Variants in MICU1 observed in about 807,000 individuals in gnomAD.
The protein encoded by MICU1 is calcium uptake protein 1, mitochondrial.
Under a neutral mutation model 56.8 loss-of-function variants are expected in MICU1, and 45 were observed. The ratio of observed to expected loss-of-function variants is 0.79; its 90% confidence interval spans 0.62 to 1.02. The LOEUF is 1.02. MICU1 is among the 50% of genes least tolerant of loss of function. MICU1 has a pLI of 0.00. For missense variants in MICU1, 504 were observed against 587.1 expected (o/e 0.86, Z 1.46); for synonymous variants, 186 against 195.1 (o/e 0.95, Z 0.39).
At chr10:72,472,058 T>C (rs1426399416) in intron 8 of MICU1, among the ~76,000 whole-genome samples, 1 of 152,084 alleles carries the variant, frequency 6.6e-6, no homozygotes, top group Non-Finnish European at 1.5e-5. Context: ...AGGGTAAAAA[T>C]AGTAATGTTA....
At chr10:72,590,375 T>A (rs1841188302) in intron 1 of MICU1, among the ~76,000 whole-genome samples, 1 of 152,178 alleles carries the variant, frequency 6.6e-6, no homozygotes, top group African/African-American at 2.4e-5. Context: ...TCAACATTTA[T>A]ACACTTAATG....
chr10:72,381,152 C>T (rs768450604), intron 10 of MICU1, among the ~76,000 whole-genome samples: 1 of 152,222 alleles, frequency 6.6e-6, no homozygotes, highest in African/African-American at 2.4e-5. Flanking sequence ...AGCTACCTGC[C>T]TCTTCCTAAT....
intron 9 of MICU1, among the ~76,000 whole-genome samples, chr10:72,420,047 A>G (rs969926642): frequency 6.6e-6 from 1 of 152,072 alleles, no homozygotes; most frequent in Non-Finnish European, 1.5e-5. Context: ...TGCCTGCCAC[A>G]ACGTAAGACG....
chr10:72,588,487 C>T (rs896493774), intron 1 of MICU1, among the ~76,000 whole-genome samples: 1 of 152,154 alleles, frequency 6.6e-6, no homozygotes, highest in African/African-American at 2.4e-5. Flanking sequence ...AAGGCATTTC[C>T]ACTAAGAATA....
intron 6 of MICU1, among the ~76,000 whole-genome samples, chr10:72,492,112 T>G (rs1430355869): frequency 6.6e-6 from 1 of 152,146 alleles, no homozygotes; most frequent in Non-Finnish European, 1.5e-5. Context: ...TGATTTTTCT[T>G]AAAAGGAATG....
chr10:72,374,810 T>C (rs1332299658), intron 11 of MICU1, among the ~76,000 whole-genome samples: 1 of 54,482 alleles, frequency 1.8e-5, no homozygotes, highest in Non-Finnish European at 7.2e-5. Flanking sequence ...ACTATTATCT[T>C]TTTTTTTTTT....
intron 1 of MICU1, among the ~76,000 whole-genome samples, chr10:72,587,134 G>A (rs776949554): frequency 6.6e-6 from 1 of 152,120 alleles, no homozygotes. Context: ...ACTAGCAATA[G>A]AGCCTAAGGT....
intron 8 of MICU1, chr10:72,468,089 C>T (rs1011534899): frequency 6.6e-6 from 1 of 152,180 alleles, no homozygotes; most frequent in African/African-American, 2.4e-5. Flanking sequence ...CCTGCCTTGG[C>T]CTCTTAAAGT....
chr10:72,447,742 A>C (rs1865149715), intron 8 of MICU1, among the ~76,000 whole-genome samples: 1 of 152,206 alleles, frequency 6.6e-6, no homozygotes, highest in African/African-American at 2.4e-5. Context: ...TGAATCTATC[A>C]TGAAAAGTCT....
intron 9 of MICU1, among the ~76,000 whole-genome samples, chr10:72,415,013 GTTT>G (rs71018285): frequency 1.8e-5 from 2 of 114,250 alleles, no homozygotes; most frequent in Non-Finnish European, 1.9e-5. Flanking sequence ...CTCCTGCTTA[GTTT>G]TTTTTTTTTT....
chr10:72,513,431 C>T (rs749221504), intron 5 of MICU1, among the ~76,000 whole-genome samples: 1 of 152,074 alleles, frequency 6.6e-6, no homozygotes, highest in African/African-American at 2.4e-5. Context: ...GAGTTCTAAT[C>T]GAAGTTCTTT....
intron 5 of MICU1, among the ~76,000 whole-genome samples, chr10:72,512,278 T>C (rs1054441293): frequency 3.3e-5 from 5 of 151,834 alleles, no homozygotes; most frequent in Non-Finnish European, 5.9e-5. Context: ...GTCTGGCTAA[T>C]TTTTTGTATT....
At chr10:72,596,583 A>G (rs1368295997) in intron 1 of MICU1, among the ~76,000 whole-genome samples, 1 of 152,146 alleles carries the variant, frequency 6.6e-6, no homozygotes, top group African/African-American at 2.4e-5. Flanking sequence ...CAAAAATCCA[A>G]CACAGGGCCA....
rs372778598 is a variant in MICU1, at chr10:72,465,483, G to A, written c.933+9617C>T. 2.0e-3 allele frequency among the ~76,000 whole-genome samples: 293 copies of A among 145,492 alleles called. 1 individual carries two copies. Among genetic ancestry groups the A allele is most frequent in the African/African-American group, 7.1e-3 (279 of 39,382 alleles). ...TACTGAACCCATTTGCCGTCACATG[G>A]AACATGTTTCTGTTCAGGTCTTTTT... On this transcript the variant is annotated intron_variant, in intron 8 of 11. Coordinates refer to ENST00000361114, the MANE Select transcript of MICU1 (RefSeq NM_001195518.2).
intron 11 of MICU1, among the ~76,000 whole-genome samples, chr10:72,373,837 G>C (rs547252281): frequency 6.6e-5 from 10 of 152,244 alleles, no homozygotes; most frequent in Admixed American, 5.2e-4. Flanking sequence ...CAAAAATCTG[G>C]AGAAAGTTAA....
Position 72,383,084 on chromosome 10 carries a change from A to G in MICU1, c.1181-7212T>C, listed in dbSNP as rs1862770242. ...GAGGAAGACCTCATCTCTACGAAAA[A>G]TTTTAAAAAACATTAGTTGGGCACG... is the stretch of plus-strand genomic sequence containing the variant. On this transcript the variant is annotated intron_variant, in intron 10 of 11. Coordinates refer to ENST00000361114, the MANE Select transcript of MICU1 (RefSeq NM_001195518.2). Among the ~76,000 whole-genome samples the G allele has an allele frequency of 2.0e-5, 3 of 152,100 alleles. No individual in the cohort carries two copies. The South Asian group carries it at 6.2e-4, about 31-fold the overall frequency.
At chr10:72,570,505 T>G (rs1219108733) in intron 1 of MICU1, among the ~76,000 whole-genome samples, 5 of 152,200 alleles carry the variant, frequency 3.3e-5, no homozygotes, top group Non-Finnish European at 7.3e-5. Flanking sequence ...GAAAACTGTC[T>G]TCTATTATTT....
chr10:72,371,407 C>G (rs1024066420), intron 11 of MICU1, among the ~76,000 whole-genome samples: 1 of 143,924 alleles, frequency 6.9e-6, no homozygotes, highest in African/African-American at 2.6e-5. Context: ...AAAAAAAAAG[C>G]CTTGCTTGGC....
chr10:72,368,642 C>T (rs1564830608), intron 11 of MICU1, among the ~76,000 whole-genome samples: 1 of 152,140 alleles, frequency 6.6e-6, no homozygotes, highest in Non-Finnish European at 1.5e-5. Context: ...TGTGCTTTGT[C>T]CCTGGAAATA....
Sources: allele counts gnomAD v4.1 joint callset (sites outside exome capture counted in the v4.1 genomes callset), GRCh38; gene constraint gnomAD v4.1.1; transcripts MANE v1.5; gene names NCBI Gene and HGNC (gene_info 2026-07-23, HGNC 2026-07-21).